FHIP1A: variants seen among roughly 807,000 people sequenced by gnomAD.
The protein encoded by FHIP1A is FHF complex subunit HOOK-interacting protein 1A.
FHIP1A carries 61 observed loss-of-function variants against 88.6 expected under a neutral mutation model. The ratio of observed to expected loss-of-function variants is 0.69; its 90% CI spans 0.56 to 0.85. The LOEUF (loss-of-function observed/expected upper bound fraction) is 0.85. Ranked by LOEUF, FHIP1A falls within the 40% of genes least tolerant of loss-of-function variation. The pLI, the probability that FHIP1A is intolerant of heterozygous loss-of-function variation, is 0.00. For missense variants in FHIP1A, 1,154 were observed against 1,273.5 expected (o/e 0.91, Z 1.43); for synonymous variants, 478 against 496.0 (o/e 0.96, Z 0.48).
rs185624399 is a variant in FHIP1A at position 151,574,543 on chromosome 4, A to G, written c.106-2907A>G. On this transcript the variant is annotated intron_variant, in intron 4 of 13. Transcript: ENST00000435205. The stretch of plus-strand genomic sequence containing the variant: ...ATATATAAAATATAAATACATATGC[A>G]TATTTATAAATTTATATTGCTTAGA... Among the ~76,000 whole-genome samples, 5 of 152,146 alleles carry G rather than the reference A, an allele frequency of 3.3e-5. No individual in the cohort carries two copies. In the East Asian group the frequency reaches 5.8e-4, roughly 18 times the overall value.
intron 3 of FHIP1A, among the ~76,000 whole-genome samples, chr4:151,508,347 T>A (rs1730905038): frequency 6.6e-6 from 1 of 152,200 alleles, no homozygotes; most frequent in South Asian, 2.1e-4. Context: ...TGCAGCCTAG[T>A]AATGTTAGGT....
chr4:151,593,511 T>C (rs547295019), intron 7 of FHIP1A, among the ~76,000 whole-genome samples: 1 of 152,146 alleles, frequency 6.6e-6, no homozygotes, highest in African/African-American at 2.4e-5. Context: ...AGATATTTTA[T>C]TTTTTTTGTA....
At chr4:151,413,115 A>T (rs1229971556) in intron 1 of FHIP1A, among the ~76,000 whole-genome samples, 1 of 152,256 alleles carries the variant, frequency 6.6e-6, no homozygotes, top group Non-Finnish European at 1.5e-5. Context: ...TAGCCTTGGC[A>T]TCTCAACAGT....
intron 11 of FHIP1A, among the ~76,000 whole-genome samples, chr4:151,652,387 G>A (rs1276818264): frequency 6.6e-6 from 1 of 152,116 alleles, no homozygotes; most frequent in East Asian, 1.9e-4. Context: ...AGTGTGTTCT[G>A]TAGCATTAGG....
At chr4:151,461,805 C>T (rs912813649) in intron 2 of FHIP1A, among the ~76,000 whole-genome samples, 16 of 152,114 alleles carry the variant, frequency 1.1e-4, no homozygotes, top group Non-Finnish European at 2.1e-4. Context: ...ACCTAACAGG[C>T]TCATTTCTTT....
At chr4:151,528,616 C>T (rs1419337710) in intron 3 of FHIP1A, among the ~76,000 whole-genome samples, 1 of 152,106 alleles carries the variant, frequency 6.6e-6, no homozygotes, top group African/African-American at 2.4e-5. Context: ...ATTGATACTG[C>T]TTGTTATTTT....
In FHIP1A at chr4:151,566,224, T is replaced by G. The variant is rs558798669; in HGVS notation, c.-36T>G. On this transcript the variant is annotated 5_prime_UTR_variant, in exon 4 of 14. It adds an upstream start codon to the 5' untranslated region. Coordinates refer to ENST00000435205, the MANE Select transcript of FHIP1A (RefSeq NM_001109977.3). Reference sequence around the variant, plus strand: ...CGGCTTACCAAATTTTAATGAAAATTAAATATGACTTAGAAGCATTGATTT... The same window carrying G: ...CGGCTTACCAAATTTTAATGAAAATGAAATATGACTTAGAAGCATTGATTT... 7.5e-7 allele frequency: 1 copy of G among 1,340,568 alleles called. No individual in the cohort carries two copies. Among genetic ancestry groups the G allele is most frequent in the South Asian group, 1.4e-5 (1 of 70,160 alleles). 83.0% of individuals were successfully genotyped at this position (1,340,568 alleles called of 1,614,324 possible).
intron 1 of FHIP1A, among the ~76,000 whole-genome samples, chr4:151,428,838 C>G (rs1455217312): frequency 2.6e-5 from 4 of 152,180 alleles, no homozygotes. Context: ...ATTCCTCCCC[C>G]TCCCACATCA....
chr4:151,569,719 T>C (rs1186447447), intron 4 of FHIP1A, among the ~76,000 whole-genome samples: 11 of 152,142 alleles, frequency 7.2e-5, no homozygotes, highest in Admixed American at 2.0e-4. Flanking sequence ...AAAGCAAACA[T>C]TGATGGAGGA....
At chr4:151,484,374 G>A (rs989023738) in intron 3 of FHIP1A, among the ~76,000 whole-genome samples, 2 of 152,150 alleles carry the variant, frequency 1.3e-5, no homozygotes, top group Non-Finnish European at 2.9e-5. Flanking sequence ...TGCCTTAGAC[G>A]TGAGGTTATT....
intron 1 of FHIP1A, among the ~76,000 whole-genome samples, chr4:151,419,568 C>CTTTTTTTTTTTTTTTT (rs70941499): frequency 9.1e-5 from 2 of 21,984 alleles, no homozygotes; most frequent in Admixed American, 6.0e-4. Context: ...GTTCCTCATT[C>CTTTTTTTTTTTTTTTT]TTTTTTTTTT....
At chr4:151,594,827 C>A (rs1289698324) in intron 7 of FHIP1A, among the ~76,000 whole-genome samples, 3 of 152,188 alleles carry the variant, frequency 2.0e-5, no homozygotes, top group Non-Finnish European at 4.4e-5. Context: ...CCCACCTTGG[C>A]CTCCCAAAGT....
At chr4:151,657,444 A>C (rs1737287500) in intron 13 of FHIP1A, among the ~76,000 whole-genome samples, 1 of 151,570 alleles carries the variant, frequency 6.6e-6, no homozygotes, top group Non-Finnish European at 1.5e-5. Flanking sequence ...TATGGGCTCT[A>C]GAGGAGATGT....
At chr4:151,509,668 G>C (rs1193706336) in intron 3 of FHIP1A, among the ~76,000 whole-genome samples, 2 of 152,044 alleles carry the variant, frequency 1.3e-5, no homozygotes, top group South Asian at 2.1e-4. Flanking sequence ...CTAGCTTTCA[G>C]GTAGACTGCA....
chr4:151,608,806 A>T (rs1382135637), intron 7 of FHIP1A, among the ~76,000 whole-genome samples: 1 of 152,232 alleles, frequency 6.6e-6, no homozygotes, highest in Non-Finnish European at 1.5e-5. Flanking sequence ...ACTTTGGTGA[A>T]GCCTTTTCCA....
At chr4:151,598,467 G>A (rs182635574) in intron 7 of FHIP1A, among the ~76,000 whole-genome samples, 2 of 152,246 alleles carry the variant, frequency 1.3e-5, no homozygotes, top group South Asian at 2.1e-4. Context: ...GACTGGAGTA[G>A]TTCCTATTTT....
intron 3 of FHIP1A, among the ~76,000 whole-genome samples, chr4:151,554,392 A>C (rs772043987): frequency 1.3e-5 from 2 of 152,178 alleles, no homozygotes; most frequent in Non-Finnish European, 2.9e-5. Context: ...CTAAATCAAT[A>C]CATGAATAAC....
chr4:151,429,754 C>A (rs912751080), intron 1 of FHIP1A, among the ~76,000 whole-genome samples: 2 of 148,092 alleles, frequency 1.4e-5, no homozygotes, highest in African/African-American at 5.0e-5. Flanking sequence ...GAGTCTGAGG[C>A]ATGAGAATTG....
intron 2 of FHIP1A, among the ~76,000 whole-genome samples, chr4:151,482,083 C>T (rs977333752): frequency 3.3e-5 from 5 of 152,124 alleles, no homozygotes; most frequent in Non-Finnish European, 7.4e-5. Flanking sequence ...GTCAAAGTTA[C>T]TCAGAAATAT....
Sources: allele counts gnomAD v4.1 joint callset (sites outside exome capture counted in the v4.1 genomes callset), GRCh38; gene constraint gnomAD v4.1.1; transcripts MANE v1.5; gene names NCBI Gene and HGNC (gene_info 2026-07-23, HGNC 2026-07-21).